The following HTR1F variants were observed in gnomAD, a reference collection of about 807,000 sequenced individuals.
HTR1F encodes the protein 5-hydroxytryptamine (serotonin) receptor 1F, G protein-coupled.
A neutral mutation model predicts 24.0 loss-of-function variants in HTR1F; 17 were observed. The ratio of observed to expected loss-of-function variants is 0.71; its 90% confidence interval spans 0.48 to 1.06. The LOEUF is 1.06. Ranked by LOEUF, HTR1F falls within the 50% of genes least tolerant of loss-of-function variation. HTR1F has a pLI of 0.00. For synonymous variants in HTR1F, 186 were observed against 156.8 expected (o/e 1.19, Z -1.39); for missense variants, 391 against 427.8 (o/e 0.91, Z 0.76).
At chr3:87,968,204 T>G (rs1339742294) in intron 2 of HTR1F, among the ~76,000 whole-genome samples, 1 of 152,098 alleles carries the variant, frequency 6.6e-6, no homozygotes, top group South Asian at 2.1e-4. Context: ...TTAGGGCATC[T>G]AGCAGAAGAA....
At chr3:87,932,380 A>C (rs1049637876) in intron 2 of HTR1F, among the ~76,000 whole-genome samples, 12 of 151,912 alleles carry the variant, frequency 7.9e-5, no homozygotes, top group African/African-American at 2.9e-4. Context: ...TTTCTGAGGG[A>C]TCCATTCTGT....
At chr3:87,928,929 C>A (rs1311542357) in intron 2 of HTR1F, among the ~76,000 whole-genome samples, 1 of 152,128 alleles carries the variant, frequency 6.6e-6, no homozygotes, top group Non-Finnish European at 1.5e-5. Flanking sequence ...AAAAGCTAGT[C>A]TAAGCAACTC....
intron 1 of HTR1F, among the ~76,000 whole-genome samples, chr3:87,815,697 T>G (rs1704237380): frequency 6.6e-6 from 1 of 152,082 alleles, no homozygotes; most frequent in Non-Finnish European, 1.5e-5. Context: ...TTATTTGACA[T>G]TAGCAAATTA....
intron 2 of HTR1F, among the ~76,000 whole-genome samples, chr3:87,942,437 A>T (rs771944496): frequency 2.0e-5 from 3 of 152,064 alleles, no homozygotes; most frequent in Non-Finnish European, 2.9e-5. Flanking sequence ...GGGCTCTGTG[A>T]GGGTGACGGC....
intron 2 of HTR1F, among the ~76,000 whole-genome samples, chr3:87,978,265 G>A (rs1484847871): frequency 2.6e-5 from 4 of 152,150 alleles, no homozygotes; most frequent in Admixed American, 6.5e-5. Flanking sequence ...ACCACTCCCT[G>A]AGCTCCCAGA....
At chr3:87,816,708 T>A (rs182181337) in intron 1 of HTR1F, among the ~76,000 whole-genome samples, 8 of 152,202 alleles carry the variant, frequency 5.3e-5, no homozygotes, top group African/African-American at 1.9e-4. Context: ...CTCCCCCACC[T>A]TCAGTCTGAA....
intron 2 of HTR1F, among the ~76,000 whole-genome samples, chr3:87,882,232 A>T (rs1255138039): frequency 6.6e-6 from 1 of 152,216 alleles, no homozygotes; most frequent in African/African-American, 2.4e-5. Flanking sequence ...GAGGATGTGG[A>T]GAAATAGGAA....
chr3:87,979,134 AGGG>A (rs1705486024), intron 2 of HTR1F, among the ~76,000 whole-genome samples: 1 of 79,260 alleles, frequency 1.3e-5, no homozygotes, highest in Non-Finnish European at 2.5e-5. Flanking sequence ...GGAGGGAGGG[AGGG>A]AGGGAGGGAG....
chr3:87,846,855 A>T (rs560536375), intron 2 of HTR1F, among the ~76,000 whole-genome samples: 6 of 151,948 alleles, frequency 3.9e-5, no homozygotes, highest in Non-Finnish European at 7.3e-5. Flanking sequence ...GTTGAATTTT[A>T]TAGTTTTATA....
In HTR1F at chr3:87,991,778, T is replaced by A. The variant is rs757026676; in HGVS notation, c.1029T>A (p.Asn343Lys). The change falls in exon 3 of 3, where the codon AAT becomes AAA. Residue 343 changes from asparagine to lysine, a missense_variant. Physicochemically the swap from Asn to Lys is moderately conservative, Grantham distance 94. Coordinates refer to ENST00000319595, the MANE Select transcript of HTR1F (RefSeq NM_001322209.2). ...TTGGGTATCTCAATTCCCTTATAAATCCACTGATTTACACAATCTTTAATG... is the reference window on the plus strand; with the variant it reads ...TTGGGTATCTCAATTCCCTTATAAAACCACTGATTTACACAATCTTTAATG... Reference protein sequence around the residue: ...AWLGYLNSLINPLIYTIFNED... With the variant: ...AWLGYLNSLIKPLIYTIFNED... 7.4e-6 allele frequency: 12 copies of A among 1,612,206 alleles called. No homozygotes were observed. Among genetic ancestry groups the A allele is most frequent in the Non-Finnish European group, 1.0e-5 (12 of 1,179,244 alleles).
At chr3:87,935,372 T>C (rs1291437938) in intron 2 of HTR1F, among the ~76,000 whole-genome samples, 6 of 152,180 alleles carry the variant, frequency 3.9e-5, no homozygotes, top group Non-Finnish European at 5.9e-5. Context: ...AGAGTCAATT[T>C]CACTCTTCTT....
intron 2 of HTR1F, among the ~76,000 whole-genome samples, chr3:87,879,345 C>T (rs561633311): frequency 6.6e-6 from 1 of 152,064 alleles, no homozygotes; most frequent in Non-Finnish European, 1.5e-5. Flanking sequence ...CAATATAAGT[C>T]TTAGTACTGA....
intron 2 of HTR1F, among the ~76,000 whole-genome samples, chr3:87,880,868 T>C (rs1705778558): frequency 6.6e-6 from 1 of 152,198 alleles, no homozygotes; most frequent in Non-Finnish European, 1.5e-5. Context: ...TGGAGACTTA[T>C]CAAATTCATC....
At chr3:87,812,508 G>A (rs1704177824) in intron 1 of HTR1F, among the ~76,000 whole-genome samples, 1 of 152,162 alleles carries the variant, frequency 6.6e-6, no homozygotes, top group African/African-American at 2.4e-5. Context: ...AAGGGAAGCA[G>A]AGCATAAACG....
At chr3:87,816,005 C>G (rs1260833107) in intron 1 of HTR1F, among the ~76,000 whole-genome samples, 1 of 152,068 alleles carries the variant, frequency 6.6e-6, no homozygotes, top group Admixed American at 6.5e-5. Flanking sequence ...AGTTTAGATT[C>G]ATTTTTCAGT....
In HTR1F at chr3:87,929,606, T is replaced by C. The variant is rs144821327; in HGVS notation, c.-42-61102T>C. Among the ~76,000 whole-genome samples the C allele has an allele frequency of 5.0e-4, 76 of 152,240 alleles. No homozygotes were observed. The East Asian group carries it at 8.7e-3, about 17-fold the overall frequency. On this transcript the variant is annotated intron_variant, in intron 2 of 2. Transcript: ENST00000319595. ...GTCAACTTTGTGGAAGATCAGATGGTTGTAAATGTGTAGACCTATTTCTGG... is the reference window on the plus strand; with the variant it reads ...GTCAACTTTGTGGAAGATCAGATGGCTGTAAATGTGTAGACCTATTTCTGG...
At chr3:87,805,336 T>C (rs1396838649) in intron 1 of HTR1F, among the ~76,000 whole-genome samples, 1 of 152,086 alleles carries the variant, frequency 6.6e-6, no homozygotes, top group Non-Finnish European at 1.5e-5. Flanking sequence ...TGAGTATAGA[T>C]TAATGTGAAA....
intron 2 of HTR1F, among the ~76,000 whole-genome samples, chr3:87,947,021 T>C (rs1372682038): frequency 6.6e-6 from 1 of 152,210 alleles, no homozygotes; most frequent in Non-Finnish European, 1.5e-5. Context: ...AATCGTTGTG[T>C]TGAAATGGTT....
chr3:87,856,167 C>G (rs147471398), intron 2 of HTR1F, among the ~76,000 whole-genome samples: 2 of 152,002 alleles, frequency 1.3e-5, no homozygotes, highest in East Asian at 3.9e-4. Context: ...TACTATTAAT[C>G]TCTTACTGGT....
Sources: allele counts gnomAD v4.1 joint callset (sites outside exome capture counted in the v4.1 genomes callset), GRCh38; gene constraint gnomAD v4.1.1; transcripts MANE v1.5; gene names NCBI Gene and HGNC (gene_info 2026-07-23, HGNC 2026-07-21).